Variants in UVSSA observed in about 807,000 individuals in gnomAD.
UVSSA encodes the protein UV-stimulated scaffold protein A.
In UVSSA, 72 loss-of-function variants were observed where a neutral mutation model predicts 73.9. The observed-to-expected ratio is 0.97, with a 90% CI of 0.81 to 1.19. The LOEUF is 1.19. Among genes scored for constraint, UVSSA ranks in the 50% most tolerant of loss-of-function variants. The probability of loss-of-function intolerance (pLI) is 0.00; values close to 1 mark genes in which losing one functional copy is unlikely to be tolerated. For missense variants in UVSSA, 1,150 were observed against 965.0 expected (o/e 1.19, Z -2.54); for synonymous variants, 454 against 391.3 (o/e 1.16, Z -1.89).
chr4:1,394,641 G>C (rs79298048), exon 14 of UVSSA: 3 of 1,392,294 alleles, frequency 2.2e-6, no homozygotes, highest in Admixed American at 2.0e-5. Context: ...CGGAGTGCCC[G>C]CCTGCTCACA....
downstream of UVSSA, chr4:1,390,173 T>G (rs1416877218): frequency 6.6e-6 from 1 of 152,220 alleles, no homozygotes; most frequent in Non-Finnish European, 1.5e-5. Context: ...TGTTTTCCCT[T>G]TTTTAAATCT....
chr4:1,343,107 CG>C (rs1340085176), upstream of UVSSA, among the ~76,000 whole-genome samples: 2 of 152,046 alleles, frequency 1.3e-5, no homozygotes, highest in Non-Finnish European at 2.9e-5. Context: ...GCTCGGCTGC[CG>C]TAACAGAAGA....
rs753486294 is a variant in UVSSA, at chr4:1,383,805, C to T, written c.1901C>T (p.Ala634Val). Reference protein sequence around the residue: ...DPELMRDVEAATGQDLGSSRY... With the variant: ...DPELMRDVEAVTGQDLGSSRY... ...GAGTTGATGAGAGACGTGGAAGCAG[C>T]CACAGGGCAGGATCTCGGCTCATCC... The change falls in exon 13 of 14, where the codon GCC becomes GTC. Residue 634 changes from alanine to valine, a missense_variant. Coordinates refer to ENST00000389851, the MANE Select transcript of UVSSA (RefSeq NM_020894.4). The T allele has an allele frequency of 2.5e-6, 4 of 1,613,560 alleles. No homozygotes were observed. The highest frequency in any genetic ancestry group is 2.5e-6 in the Non-Finnish European group (3 of 1,180,024).
At chr4:1,359,870 AC>A (rs1372571777) in intron 7 of UVSSA, among the ~76,000 whole-genome samples, 1 of 151,908 alleles carries the variant, frequency 6.6e-6, no homozygotes, top group Admixed American at 6.6e-5. Flanking sequence ...CCTCCCGGGG[AC>A]CCTGTCAGCC....
At chr4:1,370,318 C>G (rs548729737) in intron 8 of UVSSA, among the ~76,000 whole-genome samples, 1 of 152,290 alleles carries the variant, frequency 6.6e-6, no homozygotes, top group African/African-American at 2.4e-5. Flanking sequence ...TGTGTATTGC[C>G]GGAATACTGA....
At chr4:1,365,284 A>G (rs1276952109) in intron 7 of UVSSA, among the ~76,000 whole-genome samples, 1 of 152,204 alleles carries the variant, frequency 6.6e-6, no homozygotes, top group Non-Finnish European at 1.5e-5. Flanking sequence ...TCTGTTAGCA[A>G]CAGAGCAGGC....
intron 5 of UVSSA, among the ~76,000 whole-genome samples, chr4:1,354,342 G>A (rs1436449571): frequency 6.6e-6 from 1 of 152,090 alleles, no homozygotes; most frequent in Non-Finnish European, 1.5e-5. Flanking sequence ...GGCCGGGGGG[G>A]TGGGGGCTGG....
At chr4:1,364,756 G>A (rs193210014) in intron 7 of UVSSA, among the ~76,000 whole-genome samples, 105 of 151,894 alleles carry the variant, frequency 6.9e-4, no homozygotes, top group African/African-American at 2.3e-3. Flanking sequence ...CTCCACCCTG[G>A]GGCACCTCCA....
At chr4:1,378,519 C>G (rs1719048939) in intron 10 of UVSSA, among the ~76,000 whole-genome samples, 1 of 152,196 alleles carries the variant, frequency 6.6e-6, no homozygotes, top group African/African-American at 2.4e-5. Context: ...CCATCACACT[C>G]CAGCCTGGGC....
intron 10 of UVSSA, among the ~76,000 whole-genome samples, chr4:1,378,651 G>GCGC (rs1272687179): frequency 6.6e-5 from 10 of 152,286 alleles, no homozygotes; most frequent in Non-Finnish European, 1.0e-4. Context: ...TGGCTGCTGT[G>GCGC]CGCCGGCTCC....
chr4:1,384,588 T>A (rs1159240966), intron 13 of UVSSA: 1 of 152,340 alleles, frequency 6.6e-6, no homozygotes, highest in African/African-American at 2.4e-5. Context: ...CATATTGCCT[T>A]GTTCTCGCCT....
intron 5 of UVSSA, 58 bp from the exon 6 acceptor site, chr4:1,354,677 G>A (rs1046572040): frequency 2.7e-6 from 4 of 1,508,974 alleles, no homozygotes; most frequent in Admixed American, 1.8e-5. Flanking sequence ...TGCCTCTCCG[G>A]GGCCTGTGGG....
chr4:1,385,992 A>T lies in UVSSA; in HGVS notation c.*31A>T, dbSNP rs373234594. On this transcript the variant is annotated 3_prime_UTR_variant, in exon 14 of 14. Transcript: ENST00000389851. ...GGGGCCCAGTGCACTGGCCATCAGC[A>T]CTTTCTCCCTCTGCCAGTGTCTCAG... 2 of 1,609,518 alleles carry T rather than the reference A, an allele frequency of 1.2e-6. No individual in the cohort carries two copies. The highest frequency in any genetic ancestry group is 1.1e-5 in the South Asian group (1 of 90,998).
At chr4:1,361,551 C>T (rs2109159155) in intron 7 of UVSSA, among the ~76,000 whole-genome samples, 1 of 152,378 alleles carries the variant, frequency 6.6e-6, no homozygotes, top group Non-Finnish European at 1.5e-5. Flanking sequence ...ACAGTGCTGC[C>T]CGCCAGGTGC....
At chr4:1,362,046 C>T (rs938688232) in intron 7 of UVSSA, among the ~76,000 whole-genome samples, 1 of 152,210 alleles carries the variant, frequency 6.6e-6, no homozygotes, top group East Asian at 1.9e-4. Context: ...CTCTCCTCTT[C>T]CTTTCCTTCT....
At chr4:1,378,171 C>T (rs2109282502) in intron 10 of UVSSA, among the ~76,000 whole-genome samples, 1 of 152,296 alleles carries the variant, frequency 6.6e-6, no homozygotes, top group African/African-American at 2.4e-5. Flanking sequence ...GAAGCCAGGG[C>T]CTGGCCAGGC....
chr4:1,355,171 A>C lies in UVSSA; in HGVS notation c.1102A>C (p.Lys368Gln), dbSNP rs757403639. ...ATGTTTAAAGCGTGCCATTGACCTG[A>C]AGGCTGAATTGGAGCTCGTACTGAG... ...GGCLKRAIDL[K>Q]AELELVLRKY... Residue 368 changes from lysine (K) to glutamine (Q), a missense_variant, in exon 7 of 14, where the codon AAG becomes CAG. By Grantham distance (53) the Lys-to-Gln change is moderately conservative (BLOSUM62 1). Transcript: ENST00000389851. 3 of 1,613,740 alleles carry C rather than the reference A, an allele frequency of 1.9e-6. No homozygotes were observed. The highest frequency in any genetic ancestry group is 2.7e-5 in the African/African-American group (2 of 74,918).
chr4:1,353,408 G>A lies in UVSSA; in HGVS notation c.929G>A (p.Cys310Tyr). The change falls in exon 5 of 14, where the codon TGC (cysteine) becomes TAC (tyrosine). Residue 310 changes from cysteine to tyrosine, a missense_variant. Coordinates refer to ENST00000389851, the MANE Select transcript of UVSSA (RefSeq NM_020894.4). ...SHKYTLDVELCSEGLKVQENE... is the reference protein window; with the variant it reads ...SHKYTLDVELYSEGLKVQENE... ...AAGTACACGCTGGATGTGGAGCTCT[G>A]CTCAGGTAACTGCCTTCGCGGGGTC... is the stretch of plus-strand genomic sequence containing the variant. 1 of 1,543,204 alleles carries A rather than the reference G, an allele frequency of 6.5e-7. No homozygotes were observed. The highest frequency in any genetic ancestry group is 8.8e-7 in the Non-Finnish European group (1 of 1,142,714).
At chr4:1,356,207 G>A (rs1399880117) in intron 7 of UVSSA, among the ~76,000 whole-genome samples, 1 of 152,156 alleles carries the variant, frequency 6.6e-6, no homozygotes, top group Non-Finnish European at 1.5e-5. Flanking sequence ...AAGCTTTGGG[G>A]TGGAAGTGAC....
Sources: gnomAD v4.1 joint callset for allele counts (sites outside exome capture counted in the v4.1 genomes callset) on GRCh38, gnomAD v4.1.1 for gene constraint, MANE v1.5 for transcripts, NCBI Gene and HGNC (gene_info 2026-07-23, HGNC 2026-07-21) for gene names.